The following GLI3 variants were observed in gnomAD, a reference collection of about 807,000 sequenced individuals.
The protein encoded by GLI3 is GLI family zinc finger 3, also known as transcription activator GLI3.
In GLI3, 20 loss-of-function variants were observed where a neutral mutation model predicts 100.8. The observed-to-expected ratio is 0.20, with a 90% CI of 0.14 to 0.29. The LOEUF is 0.29. Among genes scored for constraint, GLI3 ranks in the 10% least tolerant of loss-of-function variants. GLI3 has a pLI of 1.00. For missense variants in GLI3, 2,040 were observed against 2,128.5 expected, an observed-to-expected ratio of 0.96 and a Z score of 0.82; for synonymous variants, 938 against 860.5, an observed-to-expected ratio of 1.09 and a Z score of -1.58.
At chr7:41,992,803 G>T (rs1788024280) in intron 10 of GLI3, among the ~76,000 whole-genome samples, 2 of 152,294 alleles carry the variant, frequency 1.3e-5, no homozygotes, top group South Asian at 4.2e-4. Context: ...TTCTTTGCCA[G>T]TGGTAGCTTG....
chr7:42,203,042 G>A lies in GLI3; in HGVS notation c.124+20088C>T, dbSNP rs138428849. On this transcript the variant is annotated intron_variant, in intron 2 of 14. Coordinates refer to ENST00000395925, the MANE Select transcript of GLI3 (RefSeq NM_000168.6). ...CACCCCAGTCTTGAAGAACAAGTGCGAGGGGGCTCTGATTTCCTCCCTCCT... is the reference window on the plus strand; with the variant it reads ...CACCCCAGTCTTGAAGAACAAGTGCAAGGGGGCTCTGATTTCCTCCCTCCT... Among the ~76,000 whole-genome samples, 823 of 152,284 alleles carry A rather than the reference G, an allele frequency of 5.4e-3. 2 individuals carry two copies. Among genetic ancestry groups the A allele is most frequent in the African/African-American group, 7.4e-3 (308 of 41,568 alleles).
intron 4 of GLI3, among the ~76,000 whole-genome samples, chr7:42,059,708 G>A (rs1433222090): frequency 6.6e-6 from 1 of 152,198 alleles, no homozygotes; most frequent in Non-Finnish European, 1.5e-5. Flanking sequence ...GTTGGATTCT[G>A]TGACATCTGA....
At chr7:42,126,842 C>A (rs846390) in intron 3 of GLI3, among the ~76,000 whole-genome samples, 35,170 of 152,154 alleles carry the variant, frequency 0.23, 4,353 homozygotes, top group Admixed American at 0.35. Flanking sequence ...CCAAAACCCA[C>A]TTATTAGAAG....
intron 6 of GLI3, among the ~76,000 whole-genome samples, chr7:42,043,534 T>C (rs1419827853): frequency 2.0e-5 from 3 of 152,244 alleles, no homozygotes; most frequent in Non-Finnish European, 4.4e-5. Context: ...AACACAGATA[T>C]CTCCGATCTG....
intron 3 of GLI3, among the ~76,000 whole-genome samples, chr7:42,102,487 T>C (rs1244806016): frequency 6.6e-6 from 1 of 152,204 alleles, no homozygotes; most frequent in Non-Finnish European, 1.5e-5. Context: ...ATCCCAGCAA[T>C]TCCTGTTGGT....
intron 10 of GLI3, among the ~76,000 whole-genome samples, chr7:42,000,218 G>A (rs1788247873): frequency 1.3e-5 from 2 of 152,172 alleles, no homozygotes; most frequent in African/African-American, 4.8e-5. Context: ...GAAATTAAGG[G>A]TAGTTGATTT....
rs763951987 is a variant in GLI3, at chr7:41,964,554, C to T, written c.4519G>A (p.Asp1507Asn). 1.5e-5 allele frequency: 25 copies of T among 1,613,790 alleles called. No homozygotes were observed. The highest frequency in any genetic ancestry group is 2.1e-5 in the Non-Finnish European group (25 of 1,179,782). ...TGGTCCCCATCGTCTATGATGGCAT[C>T]GAAGTCAATCTGTACCCCTTCCAGG... ...HDLEGVQIDFDAIIDDGDHSS... is the reference protein window; with the variant it reads ...HDLEGVQIDFNAIIDDGDHSS... Residue 1507 changes from aspartate (D) to asparagine (N), a missense_variant, in exon 15 of 15, where the codon GAT becomes AAT. Around this residue, in one of 5 missense-constraint regions of GLI3, gnomAD observed 1,041 missense variants for 924.0 expected, o/e 1.13. Coordinates refer to ENST00000395925, the MANE Select transcript of GLI3 (RefSeq NM_000168.6).
At chr7:42,138,017 G>A (rs1786470884) in intron 3 of GLI3, among the ~76,000 whole-genome samples, 7 of 152,114 alleles carry the variant, frequency 4.6e-5, no homozygotes, top group Admixed American at 4.6e-4. Flanking sequence ...GTATCTTCTT[G>A]TTAAGGCTCT....
chr7:42,019,631 G>A (rs748215175), intron 10 of GLI3, among the ~76,000 whole-genome samples: 3 of 151,914 alleles, frequency 2.0e-5, no homozygotes, highest in Non-Finnish European at 2.9e-5. Context: ...TATGATTCAC[G>A]TCTTTTATAA....
upstream of GLI3, among the ~76,000 whole-genome samples, chr7:42,240,641 G>A (rs943893163): frequency 7.2e-5 from 11 of 152,074 alleles, no homozygotes; most frequent in Non-Finnish European, 1.3e-4. Context: ...ATAAAAGCAC[G>A]AGTTATATTC....
intron 3 of GLI3, among the ~76,000 whole-genome samples, chr7:42,093,043 A>T (rs973979496): frequency 6.6e-6 from 1 of 151,762 alleles, no homozygotes; most frequent in African/African-American, 2.4e-5. Context: ...CAAACTTCTG[A>T]CCTCAGGTGA....
intron 7 of GLI3, 35 bp downstream of exon 7, chr7:42,040,003 T>A: frequency 6.6e-7 from 1 of 1,519,094 alleles, no homozygotes; most frequent in African/African-American, 1.4e-5. Context: ...ACATTACATT[T>A]AAAAAACACA....
intron 3 of GLI3, among the ~76,000 whole-genome samples, chr7:42,103,557 T>C (rs902393394): frequency 6.6e-6 from 1 of 152,182 alleles, no homozygotes; most frequent in African/African-American, 2.4e-5. Flanking sequence ...CCAAGATAAC[T>C]GATTCTCCAA....
At chr7:42,108,071 C>T (rs1785617388) in intron 3 of GLI3, among the ~76,000 whole-genome samples, 1 of 135,262 alleles carries the variant, frequency 7.4e-6, no homozygotes, top group Non-Finnish European at 1.7e-5. Context: ...AAAGGAATCT[C>T]CTGGGCTAGA....
chr7:42,074,984 C>G (rs1384198964), intron 4 of GLI3, among the ~76,000 whole-genome samples: 1 of 152,156 alleles, frequency 6.6e-6, no homozygotes, highest in Non-Finnish European at 1.5e-5. Flanking sequence ...ACTCCCCCGA[C>G]TCTGCCTACG....
At chr7:42,058,057 TA>T (rs1784498109) in intron 4 of GLI3, among the ~76,000 whole-genome samples, 1 of 151,714 alleles carries the variant, frequency 6.6e-6, no homozygotes, top group South Asian at 2.1e-4. Flanking sequence ...AAATATGTAA[TA>T]AAAAAGCTTT....
chr7:41,985,345 C>T (rs900953634), intron 10 of GLI3, among the ~76,000 whole-genome samples: 6 of 152,048 alleles, frequency 3.9e-5, no homozygotes, highest in Admixed American at 2.6e-4. Flanking sequence ...GAACAGGATT[C>T]GATAATTTGA....
chr7:42,145,718 AG>A (rs1341844650), intron 3 of GLI3: 1 of 394,200 alleles, frequency 2.5e-6, no homozygotes, highest in African/African-American at 2.1e-5. Flanking sequence ...GATGATGATG[AG>A]GAGGAGGAGG....
chr7:42,202,311 T>C lies in GLI3; in HGVS notation c.124+20819A>G, dbSNP rs1583643766. 3.4e-5 allele frequency among the ~76,000 whole-genome samples: 5 copies of C among 148,632 alleles called. No individual in the cohort carries two copies. The East Asian group carries it at 1.0e-3, about 30-fold the overall frequency. On this transcript the variant is annotated intron_variant, in intron 2 of 14. Transcript: ENST00000395925. Reference sequence around the variant, plus strand: ...AAAATCTGACCTCACCTGAAATTCATAGAATCTGTCTCTCTCTCTCTCTCT... The same window carrying C: ...AAAATCTGACCTCACCTGAAATTCACAGAATCTGTCTCTCTCTCTCTCTCT...
Sources: allele counts gnomAD v4.1 joint callset (sites outside exome capture counted in the v4.1 genomes callset), GRCh38; gene constraint gnomAD v4.1.1; regional missense constraint gnomAD v4.1.1; transcripts MANE v1.5; gene names NCBI Gene and HGNC (gene_info 2026-07-23, HGNC 2026-07-21).